ZNF517: variants seen among roughly 807,000 people sequenced by gnomAD.
The protein encoded by ZNF517 is zinc finger protein 517.
In ZNF517, 12 loss-of-function variants were observed where a neutral mutation model predicts 12.1. That is an observed-to-expected ratio of 0.99 (90% CI 0.63 to 1.61). The LOEUF is 1.61. ZNF517 is among the 40% of genes most tolerant of loss of function. The pLI is 0.00. For missense variants in ZNF517, 781 were observed against 693.2 expected (o/e 1.13, Z -1.42); for synonymous variants, 388 against 310.2 (o/e 1.25, Z -2.63).
At chr8:144,799,185 C>A (rs943507862) in intron 1 of ZNF517, among the ~76,000 whole-genome samples, 1 of 152,168 alleles carries the variant, frequency 6.6e-6, no homozygotes, top group Non-Finnish European at 1.5e-5. Context: ...TCCGCCGAGC[C>A]GGACGGTTGC....
chr8:144,812,638 A>G (rs1036740644), downstream of ZNF517, among the ~76,000 whole-genome samples: 21 of 152,256 alleles, frequency 1.4e-4, no homozygotes, highest in African/African-American at 4.6e-4. Flanking sequence ...AGACTCAGGC[A>G]TGGACCTGGG....
chr8:144,804,028 T>A, intron 3 of ZNF517, 97 bp from the exon 4 acceptor site: 1 of 1,278,792 alleles, frequency 7.8e-7, no homozygotes, highest in Non-Finnish European at 1.1e-6. Flanking sequence ...CCTGACCCAC[T>A]CCAAGCACTC....
At chr8:144,812,619 C>T (rs1196987730), downstream of ZNF517, among the ~76,000 whole-genome samples, 2 of 152,354 alleles carry the variant, frequency 1.3e-5, no homozygotes, top group East Asian at 3.9e-4. Context: ...GATTCCGTGT[C>T]TCACCAGGAG....
chr8:144,807,210 G>A lies in ZNF517; in HGVS notation c.294G>A (p.Gly98=). Residue 98 remains glycine, a synonymous_variant, in exon 5 of 5, where the codon GGG becomes GGA. Transcript: ENST00000359971. ...TCTCAGATTCCAGGATGGAGGCTGGGATCATGGAGTCTCCTCTGCAGAGAA... is the reference window on the plus strand; with the variant it reads ...TCTCAGATTCCAGGATGGAGGCTGGAATCATGGAGTCTCCTCTGCAGAGAA... ...SLCTDSRMEA[G]IMESPLQRKL... The A allele has an allele frequency of 6.5e-7, 1 of 1,532,564 alleles. No individual in the cohort carries two copies. The allele number at this position is 1,532,564 out of a possible 1,614,324, so 94.9% of individuals were successfully genotyped here. A position where few individuals can be genotyped will look rare whatever the true frequency, so the allele number is the denominator to read the frequency against.
rs1827095439 is a variant in ZNF517 at position 144,803,922 on chromosome 8, AC to A, written c.160+156del. On this transcript the variant is annotated intron_variant, in intron 3 of 4. Transcript: ENST00000359971. ...CCTCTCTGCTTCCTGTTGGGCACCC[AC>A]TGCCAGCGTCAGCCTGCCTGAGGCT... The A allele has an allele frequency of 3.3e-6, 4 of 1,227,816 alleles. No individual in the cohort carries two copies. The East Asian group carries it at 9.9e-5, about 30-fold the overall frequency. 76.1% of individuals were successfully genotyped at this position (1,227,816 alleles called of 1,614,324 possible).
intron 1 of ZNF517, chr8:144,800,484 G>C: frequency 5.1e-6 from 5 of 985,288 alleles, no homozygotes; most frequent in Non-Finnish European, 6.0e-6. Context: ...GTTCTTACCA[G>C]AGTGGAGGGT....
intron 4 of ZNF517, among the ~76,000 whole-genome samples, chr8:144,806,878 TCA>T (rs1827248867): frequency 1.3e-5 from 2 of 152,174 alleles, no homozygotes; most frequent in South Asian, 2.1e-4. Context: ...TGGTATCATT[TCA>T]CAGTGTAGAT....
At chr8:144,802,980 G>A in intron 2 of ZNF517, 33 bp downstream of exon 2, 2 of 1,613,392 alleles carry the variant, frequency 1.2e-6, no homozygotes, top group Non-Finnish European at 1.7e-6. Context: ...CATTGCCCCA[G>A]GAGACTGCTT....
chr8:144,807,669 C>T lies in ZNF517; in HGVS notation c.753C>T (p.His251=), dbSNP rs1339561138. Residue 251 remains histidine, a synonymous_variant, in exon 5 of 5, where the codon CAC becomes CAT. Transcript: ENST00000359971. ...AFRQSTQLAA[H]HRVHTRERPY... is the part of the protein sequence containing the mutation. ...GGCAGAGCACGCAGCTGGCTGCCCA[C>T]CACCGCGTCCACACCCGCGAGCGGC... is the stretch of plus-strand genomic sequence containing the variant. The T allele has an allele frequency of 6.2e-7, 1 of 1,610,014 alleles. No homozygotes were observed. Among genetic ancestry groups the T allele is most frequent in the Admixed American group, 1.7e-5 (1 of 59,884 alleles).
At chr8:144,802,467 C>T (rs1459952931) in intron 1 of ZNF517, among the ~76,000 whole-genome samples, 1 of 152,214 alleles carries the variant, frequency 6.6e-6, no homozygotes, top group Non-Finnish European at 1.5e-5. Context: ...CCAAGCCCTT[C>T]CTCAGGCCCT....
chr8:144,802,849 C>A, intron 1 of ZNF517, 21 bp from the exon 2 acceptor site: 1 of 1,612,884 alleles, frequency 6.2e-7, no homozygotes, highest in Non-Finnish European at 8.5e-7. Flanking sequence ...TCTTTCCACT[C>A]ATGGCTCTAT....
chr8:144,801,678 C>G (rs990148223), intron 1 of ZNF517, among the ~76,000 whole-genome samples: 13 of 152,124 alleles, frequency 8.5e-5, no homozygotes, highest in Admixed American at 8.5e-4. Context: ...GGGGTTTCAC[C>G]GTGTTAGCCA....
intron 1 of ZNF517, chr8:144,800,767 C>CA: frequency 1.1e-6 from 1 of 880,592 alleles, no homozygotes; most frequent in Non-Finnish European, 1.4e-6. Context: ...CCTAACATGT[C>CA]AAAAGGGCTC....
At chr8:144,800,956 A>G (rs903215260) in intron 1 of ZNF517, among the ~76,000 whole-genome samples, 2 of 152,068 alleles carry the variant, frequency 1.3e-5, no homozygotes. Flanking sequence ...CAGCCTCCCA[A>G]GTAGCTGGGA....
downstream of ZNF517, chr8:144,810,298 G>A (rs1234915242): frequency 1.7e-6 from 1 of 580,734 alleles, no homozygotes; most frequent in Admixed American, 2.6e-5. Flanking sequence ...CTGCCCACTG[G>A]TGTGTCAAAC....
chr8:144,805,466 G>A (rs1351012204), intron 4 of ZNF517, among the ~76,000 whole-genome samples: 1 of 152,004 alleles, frequency 6.6e-6, no homozygotes, highest in East Asian at 1.9e-4. Flanking sequence ...AAGTAGCTGG[G>A]ACTACAGGCG....
intron 1 of ZNF517, among the ~76,000 whole-genome samples, chr8:144,799,803 G>A (rs1244201199): frequency 3.3e-5 from 5 of 150,874 alleles, no homozygotes; most frequent in Admixed American, 1.3e-4. Flanking sequence ...AGCCGGGCGT[G>A]GTGGCGGGCG....
At chr8:144,803,957 G>T (rs1827098627) in intron 3 of ZNF517, 168 bp from the exon 4 acceptor site, 2 of 1,089,138 alleles carry the variant, frequency 1.8e-6, no homozygotes, top group Non-Finnish European at 2.6e-6. Context: ...CTTCTCTCCT[G>T]GGGCAGGCCC....
Position 144,808,333 on chromosome 8 carries a change from G to T in ZNF517, c.1417G>T (p.Val473Leu). 6.7e-7 allele frequency: 1 copy of T among 1,489,848 alleles called. No individual in the cohort carries two copies. Among genetic ancestry groups the T allele is most frequent in the Non-Finnish European group, 9.0e-7 (1 of 1,116,898 alleles). 92.3% of individuals were successfully genotyped at this position (1,489,848 alleles called of 1,614,324 possible). A position where few individuals can be genotyped will look rare whatever the true frequency, so the allele number is the denominator to read the frequency against. Residue 473 changes from valine (V) to leucine (L), a missense_variant, in exon 5 of 5, where the codon GTG becomes TTG. By Grantham distance (32) the Val-to-Leu change is conservative. Transcript: ENST00000359971. Reference sequence around the variant, plus strand: ...GTCCACCCTCATCCAGCACCAGAAGGTGCACGGCCGCGAGCCCGGGGAGGA... The same window carrying T: ...GTCCACCCTCATCCAGCACCAGAAGTTGCACGGCCGCGAGCCCGGGGAGGA... The part of the protein sequence containing the change: ...RLSTLIQHQK[V>L]HGREPGEDTE...
Sources: allele counts gnomAD v4.1 joint callset (sites outside exome capture counted in the v4.1 genomes callset), GRCh38; gene constraint gnomAD v4.1.1; transcripts MANE v1.5; gene names NCBI Gene and HGNC (gene_info 2026-07-23, HGNC 2026-07-21).